EXOC3L2: variants seen among roughly 807,000 people sequenced by gnomAD.
EXOC3L2 encodes exocyst complex component 3-like protein 2.
Under a neutral mutation model 44.4 loss-of-function variants are expected in EXOC3L2, and 17 were observed. The ratio of observed to expected loss-of-function variants is 0.38; its 90% CI spans 0.26 to 0.57. The LOEUF (loss-of-function observed/expected upper bound fraction) is 0.57. Among genes scored for constraint, EXOC3L2 ranks in the 20% least tolerant of loss-of-function variants. The pLI, the probability that EXOC3L2 is intolerant of heterozygous loss-of-function variation, is 0.65. For synonymous variants in EXOC3L2, 256 were observed against 253.7 expected (o/e 1.01, Z -0.09); for missense variants, 541 against 588.4 (o/e 0.92, Z 0.83).
In EXOC3L2 at chr19:45,213,142, A is replaced by G. The variant is rs1424603159; in HGVS notation, c.2336T>C (p.Leu779Pro). Residue 779 changes from leucine to proline, a missense_variant, in exon 12 of 12, where the codon CTG becomes CCG. By Grantham distance (98) the Leu-to-Pro change is moderately conservative. Coordinates refer to ENST00000413988, the MANE Select transcript of EXOC3L2 (RefSeq NM_001382422.1). ...LFLGRLPLSR[L>P]ARPSLACLPR... ...CAGACAGGCCAAACTGGGCCTGGCC[A>G]GCCGGGAGAGGGGGAGGCGGCCCAG... The G allele has an allele frequency of 1.3e-6, 2 of 1,584,522 alleles. No homozygotes were observed.
chr19:45,222,512 G>C (rs1049920853), intron 8 of EXOC3L2, among the ~76,000 whole-genome samples: 2 of 151,990 alleles, frequency 1.3e-5, no homozygotes, highest in Non-Finnish European at 2.9e-5. Context: ...ATCTCTAGCT[G>C]GTTCTGATGT....
At chr19:45,239,083 A>G in intron 1 of EXOC3L2, 22 bp from the exon 2 acceptor site, 3 of 398,828 alleles carry the variant, frequency 7.5e-6, no homozygotes, top group Non-Finnish European at 1.3e-5. Context: ...AATAATGACC[A>G]TGGGCGATGC....
intron 7 of EXOC3L2, among the ~76,000 whole-genome samples, chr19:45,225,265 T>C (rs1247802666): frequency 6.6e-6 from 1 of 151,396 alleles, no homozygotes; most frequent in Non-Finnish European, 1.5e-5. Flanking sequence ...TCTAAAAGTC[T>C]GTGGTTCTTT....
Position 45,213,199 on chromosome 19 carries a change from C to CGG in EXOC3L2, c.2277_2278dup (p.Arg760ProfsTer37). 1 of 1,607,584 alleles carries CGG rather than the reference C, an allele frequency of 6.2e-7. No individual in the cohort carries two copies. Among genetic ancestry groups the CGG allele is most frequent in the South Asian group, 1.1e-5 (1 of 90,422 alleles). ...AGGGAGGCTGAGACAGAAAGATGGG[C>CGG]GGGGCACAGGGATGTCTGCAAAGAA... On this transcript the variant is annotated frameshift_variant, in exon 12 of 12. Transcript: ENST00000413988. LOFTEE classifies it high-confidence loss of function.
rs188511053 is a variant in EXOC3L2 at position 45,233,088 on chromosome 19, C to T, written c.1157+1105G>A. On this transcript the variant is annotated intron_variant, in intron 3 of 11. Transcript: ENST00000413988. Reference sequence around the variant, plus strand: ...GAAATTAGCTGTGCATGATGGTGGGCGCCTGTAATCCCAGCTACTCGGGAG... The same window carrying T: ...GAAATTAGCTGTGCATGATGGTGGGTGCCTGTAATCCCAGCTACTCGGGAG... Among the ~76,000 whole-genome samples the T allele has an allele frequency of 1.4e-4, 22 of 152,180 alleles. No homozygotes were observed. The East Asian group carries it at 2.3e-3, about 16-fold the overall frequency.
Position 45,213,739 on chromosome 19 carries a change from G to C in EXOC3L2, c.2121-382C>G, listed in dbSNP as rs1387302194. 2.0e-5 allele frequency among the ~76,000 whole-genome samples: 3 copies of C among 151,814 alleles called. No homozygotes were observed. The East Asian group carries it at 5.8e-4, about 29-fold the overall frequency. The stretch of plus-strand genomic sequence containing the variant: ...GCAGGCGGATCACCTGAGGTCAGGA[G>C]TTCGAGACCAGCCTGGCCAACATGG... On this transcript the variant is annotated intron_variant, in intron 11 of 11. Coordinates refer to ENST00000413988, the MANE Select transcript of EXOC3L2 (RefSeq NM_001382422.1).
At position 45,212,878 on chromosome 19, in the gene EXOC3L2, G is replaced by T. The variant is rs767857620; in HGVS notation, c.*191C>A. 5 of 592,478 alleles carry T rather than the reference G, an allele frequency of 8.4e-6. No homozygotes were observed. The highest frequency in any genetic ancestry group is 7.8e-5 in the African/African-American group (4 of 50,962). The allele number at this position is 592,478 out of a possible 1,614,324, so 36.7% of individuals were successfully genotyped here. The stretch of plus-strand genomic sequence containing the variant: ...GCCTCCCAAAGTGTTGGGATTACAG[G>T]CATGAGCCACCGTGCCTGGCGTTTG... On this transcript the variant is annotated 3_prime_UTR_variant, in exon 12 of 12. Transcript: ENST00000413988.
In EXOC3L2 at chr19:45,231,825, C is replaced by T. The variant is rs772987838; in HGVS notation, c.1207G>A (p.Gly403Arg). The T allele has an allele frequency of 1.2e-6, 2 of 1,610,336 alleles. No homozygotes were observed. The highest frequency in any genetic ancestry group is 1.7e-6 in the Non-Finnish European group (2 of 1,176,966). ...AGGGTGCCAGGGGAGAGAAGGGGCC[C>T]CAGCTCCCCATTCTCCAGGGCGGCC... ...DMAALENGEL[G>R]PLLSPGTLRG... is the part of the protein sequence containing the mutation. The change falls in exon 4 of 12, where the codon GGG (glycine) becomes AGG (arginine). Residue 403 changes from glycine (G) to arginine (R), a missense_variant. Transcript: ENST00000413988.
At chr19:45,226,747 C>CTCTTTTTTTTTTTTTTT (rs1467930270) in intron 7 of EXOC3L2, among the ~76,000 whole-genome samples, 4 of 90,672 alleles carry the variant, frequency 4.4e-5, no homozygotes, top group East Asian at 3.3e-4. Flanking sequence ...ACTCCCATCT[C>CTCTTTTTTTTTTTTTTT]TTTTTTTTTT....
At chr19:45,235,977 C>T (rs1481610278) in intron 2 of EXOC3L2, among the ~76,000 whole-genome samples, 1 of 150,972 alleles carries the variant, frequency 6.6e-6, no homozygotes. Flanking sequence ...GATTGGGACA[C>T]GGATGGGGAT....
At chr19:45,215,708 C>T (rs1255591777) in intron 11 of EXOC3L2, among the ~76,000 whole-genome samples, 6 of 152,146 alleles carry the variant, frequency 3.9e-5, no homozygotes, top group Non-Finnish European at 5.9e-5. Context: ...AGTTGAATGC[C>T]GCCTGCGCCT....
chr19:45,217,241 T>G (rs1969844946), intron 10 of EXOC3L2, among the ~76,000 whole-genome samples: 1 of 152,132 alleles, frequency 6.6e-6, no homozygotes, highest in Non-Finnish European at 1.5e-5. Context: ...CCAAAGCACT[T>G]AACAGGAATT....
At chr19:45,239,390 G>C (rs571645115) in intron 1 of EXOC3L2, among the ~76,000 whole-genome samples, 1 of 146,790 alleles carries the variant, frequency 6.8e-6, no homozygotes, top group African/African-American at 2.5e-5. Flanking sequence ...GCTAACTTTT[G>C]TATTTTTAGT....
chr19:45,232,864 G>A (rs911701846), intron 3 of EXOC3L2, among the ~76,000 whole-genome samples: 4 of 152,184 alleles, frequency 2.6e-5, no homozygotes, highest in African/African-American at 9.6e-5. Flanking sequence ...GATCACTTGA[G>A]GTCAGGAGTT....
rs142412403 is a variant in EXOC3L2 at position 45,213,209 on chromosome 19, G to C, written c.2269C>G (p.Pro757Ala). ...AGACAGAAAGATGGGCGGGGCACAG[G>C]GATGTCTGCAAAGAAGGCACGGTCC... ...PRDRAFFADI[P>A]VPRPSFCLSL... The change falls in exon 12 of 12, where the codon CCT becomes GCT. Residue 757 changes from proline to alanine, a missense_variant. By Grantham distance (27) the Pro-to-Ala change is conservative. Coordinates refer to ENST00000413988, the MANE Select transcript of EXOC3L2 (RefSeq NM_001382422.1). 1,036 of 1,611,358 alleles carry C rather than the reference G, an allele frequency of 6.4e-4. No individual in the cohort carries two copies. The highest frequency in any genetic ancestry group is 7.8e-4 in the Non-Finnish European group (914 of 1,178,758).
At chr19:45,215,876 T>TGGCGGC (rs1439834699) in intron 11 of EXOC3L2, among the ~76,000 whole-genome samples, 197 bp downstream of exon 11, 1 of 152,060 alleles carries the variant, frequency 6.6e-6, no homozygotes, top group Admixed American at 6.5e-5. Flanking sequence ...CTGGTGGCGG[T>TGGCGGC]GGCGGCGGAG....
rs901084111 is a variant in EXOC3L2, at chr19:45,217,447, T to G, written c.1998+81A>C. On this transcript the variant is annotated intron_variant, in intron 10 of 11. Transcript: ENST00000413988. ...GTCCTGAGCTCTGCCCCTCTCCCCC[T>G]GGCTTTTGGGACCTGAGATTCTCGG... 3 of 1,423,246 alleles carry G rather than the reference T, an allele frequency of 2.1e-6. No individual in the cohort carries two copies. The African/African-American group carries it at 4.5e-5, about 21-fold the overall frequency. The allele number at this position is 1,423,246 out of a possible 1,614,324, so 88.2% of individuals were successfully genotyped here.
chr19:45,221,211 GTT>G (rs572032786), intron 8 of EXOC3L2, among the ~76,000 whole-genome samples: 1 of 114,300 alleles, frequency 8.7e-6, no homozygotes. Flanking sequence ...TTTTTTTGTG[GTT>G]TTTTTTTTTT....
Position 45,212,450 on chromosome 19 carries a change from G to A in EXOC3L2, c.*619C>T, listed in dbSNP as rs1969783555. On this transcript the variant is annotated 3_prime_UTR_variant, in exon 12 of 12. Coordinates refer to ENST00000413988, the MANE Select transcript of EXOC3L2 (RefSeq NM_001382422.1). ...GATTGGGGCCAGACCTTGAGGTGAG[G>A]GAAAGGGGCGGGGGAGCTGGGATAT... Among the ~76,000 whole-genome samples the A allele has an allele frequency of 6.6e-6, 1 of 152,162 alleles. No homozygotes were observed. The highest frequency in any genetic ancestry group is 6.6e-5 in the Admixed American group (1 of 15,260).
Sources: gnomAD v4.1 joint callset for allele counts (sites outside exome capture counted in the v4.1 genomes callset) on GRCh38, gnomAD v4.1.1 for gene constraint, MANE v1.5 for transcripts, NCBI Gene and HGNC (gene_info 2026-07-23, HGNC 2026-07-21) for gene names.